The following ENOX1 variants were observed in gnomAD, a reference collection of about 807,000 sequenced individuals.
ENOX1 encodes ecto-NOX disulfide-thiol exchanger 1.
Under a neutral mutation model 82.5 loss-of-function variants are expected in ENOX1, and 42 were observed. The observed-to-expected ratio is 0.51, with a 90% CI of 0.40 to 0.66. The LOEUF (loss-of-function observed/expected upper bound fraction) is 0.66. ENOX1 is among the 30% of genes least tolerant of loss of function. The pLI, the probability that ENOX1 is intolerant of heterozygous loss-of-function variation, is 0.00. For synonymous variants in ENOX1, 271 were observed against 282.2 expected (o/e 0.96, Z 0.40); for missense variants, 608 against 811.6 (o/e 0.75, Z 3.05).
chr13:43,410,210 G>A (rs2054038965), intron 5 of ENOX1, among the ~76,000 whole-genome samples: 1 of 152,180 alleles, frequency 6.6e-6, no homozygotes, highest in Non-Finnish European at 1.5e-5. Flanking sequence ...AGAGAAGTAG[G>A]AGGTGAGACG....
At chr13:43,221,507 C>T (rs2041787591) in intron 16 of ENOX1, among the ~76,000 whole-genome samples, 1 of 152,150 alleles carries the variant, frequency 6.6e-6, no homozygotes, top group African/African-American at 2.4e-5. Context: ...CTTCAGAAGC[C>T]ATGGCTGCCC....
At chr13:43,576,891 C>T (rs1480649404) in intron 2 of ENOX1, among the ~76,000 whole-genome samples, 1 of 152,186 alleles carries the variant, frequency 6.6e-6, no homozygotes, top group Non-Finnish European at 1.5e-5. Context: ...CACATATAGT[C>T]AGTCCAAAAT....
chr13:43,437,535 G>A (rs2056106184), intron 3 of ENOX1, among the ~76,000 whole-genome samples: 1 of 152,194 alleles, frequency 6.6e-6, no homozygotes, highest in Non-Finnish European at 1.5e-5. Flanking sequence ...GTTGGTGCCA[G>A]TTTTAGAATG....
At chr13:43,532,953 G>C (rs2078294268) in intron 2 of ENOX1, among the ~76,000 whole-genome samples, 1 of 151,554 alleles carries the variant, frequency 6.6e-6, no homozygotes, top group African/African-American at 2.4e-5. Context: ...ATAACCACAT[G>C]AACAAAAGCT....
At chr13:43,258,729 C>G (rs1047128011) in intron 14 of ENOX1, among the ~76,000 whole-genome samples, 6 of 152,050 alleles carry the variant, frequency 3.9e-5, no homozygotes, top group Non-Finnish European at 7.4e-5. Flanking sequence ...TTCTGGAGGC[C>G]GTAAAGTTCT....
At chr13:43,305,228 G>C (rs966699239) in intron 11 of ENOX1, among the ~76,000 whole-genome samples, 1 of 150,332 alleles carries the variant, frequency 6.7e-6, no homozygotes, top group East Asian at 2.0e-4. Flanking sequence ...TACCAACAAA[G>C]TACAATTGAT....
intron 2 of ENOX1, among the ~76,000 whole-genome samples, chr13:43,575,753 C>T (rs1377469280): frequency 6.6e-6 from 1 of 152,154 alleles, no homozygotes; most frequent in Admixed American, 6.5e-5. Flanking sequence ...GTACTCCTTG[C>T]CCAGTAAAAT....
chr13:43,555,557 A>G (rs1261358454), intron 2 of ENOX1, among the ~76,000 whole-genome samples: 2 of 152,254 alleles, frequency 1.3e-5, no homozygotes, highest in East Asian at 1.9e-4. Flanking sequence ...TTATGTGGCA[A>G]GGCAGAAGCT....
chr13:43,331,591 C>A (rs1201143327), intron 9 of ENOX1, among the ~76,000 whole-genome samples: 2 of 152,074 alleles, frequency 1.3e-5, no homozygotes. Context: ...AAATAGGTGA[C>A]CTCTCCCACC....
At chr13:43,765,970 G>T (rs9525838) in intron 1 of ENOX1, among the ~76,000 whole-genome samples, 49,072 of 151,984 alleles carry the variant, frequency 0.32, 8,284 homozygotes, top group East Asian at 0.5. Context: ...CAAAAGGAGA[G>T]ACTTCATTGT....
chr13:43,442,287 T>A (rs1401443990), intron 3 of ENOX1, among the ~76,000 whole-genome samples: 1 of 152,214 alleles, frequency 6.6e-6, no homozygotes, highest in Non-Finnish European at 1.5e-5. Flanking sequence ...AACACTCAAG[T>A]GTTTTATTTA....
chr13:43,569,949 T>C (rs906086961), intron 2 of ENOX1, among the ~76,000 whole-genome samples: 2 of 152,220 alleles, frequency 1.3e-5, no homozygotes, highest in South Asian at 2.1e-4. Flanking sequence ...AATATTTCTA[T>C]AGTTGCACGA....
At chr13:43,274,701 A>G (rs564285883) in intron 12 of ENOX1, among the ~76,000 whole-genome samples, 1 of 152,348 alleles carries the variant, frequency 6.6e-6, no homozygotes, top group South Asian at 2.1e-4. Flanking sequence ...TTTGGTGGTT[A>G]CAATGGAGTG....
chr13:43,768,039 G>A (rs568921361), intron 1 of ENOX1, among the ~76,000 whole-genome samples: 1 of 152,156 alleles, frequency 6.6e-6, no homozygotes, highest in East Asian at 1.9e-4. Flanking sequence ...AACTGGTTCT[G>A]TATTACATAA....
At chr13:43,678,242 T>C (rs758067434) in intron 1 of ENOX1, among the ~76,000 whole-genome samples, 10 of 152,214 alleles carry the variant, frequency 6.6e-5, no homozygotes, top group Non-Finnish European at 1.5e-4. Context: ...TTTGAATTCA[T>C]GTCTAGTTAA....
intron 5 of ENOX1, among the ~76,000 whole-genome samples, chr13:43,373,323 G>C (rs2051371360): frequency 6.6e-6 from 1 of 152,056 alleles, no homozygotes; most frequent in Non-Finnish European, 1.5e-5. Context: ...ACTTCTCCAA[G>C]GGAAATCAGA....
At chr13:43,679,807 C>A (rs1343450423) in intron 1 of ENOX1, among the ~76,000 whole-genome samples, 1 of 152,196 alleles carries the variant, frequency 6.6e-6, no homozygotes, top group Non-Finnish European at 1.5e-5. Context: ...CCTTCAAATG[C>A]AAAATCCTAT....
intron 9 of ENOX1, among the ~76,000 whole-genome samples, chr13:43,328,065 C>T (rs2048214158): frequency 1.3e-5 from 2 of 152,150 alleles, no homozygotes; most frequent in Non-Finnish European, 1.5e-5. Context: ...TTGTCTCATA[C>T]TCTCCTTGGG....
At chr13:43,370,173 C>CT (rs1268101022) in intron 5 of ENOX1, among the ~76,000 whole-genome samples, 1 of 152,158 alleles carries the variant, frequency 6.6e-6, no homozygotes, top group Non-Finnish European at 1.5e-5. Flanking sequence ...CGAGACCAAC[C>CT]TGGCTAACAC....
Sources: gnomAD v4.1 joint callset for allele counts (sites outside exome capture counted in the v4.1 genomes callset) on GRCh38, gnomAD v4.1.1 for gene constraint, MANE v1.5 for transcripts, NCBI Gene and HGNC (gene_info 2026-07-23, HGNC 2026-07-21) for gene names.